Variants in SLC2A13 observed in about 807,000 individuals in gnomAD.
SLC2A13 encodes proton myo-inositol cotransporter.
A neutral mutation model predicts 64.4 loss-of-function variants in SLC2A13; 32 were observed. The observed-to-expected ratio is 0.50, with a 90% CI of 0.37 to 0.67. The LOEUF (loss-of-function observed/expected upper bound fraction) is 0.67, where lower values mean the gene tolerates loss of function less well. SLC2A13 is among the 30% of genes least tolerant of loss of function. The pLI, the probability that SLC2A13 is intolerant of heterozygous loss-of-function variation, is 0.00. For missense variants in SLC2A13, 743 were observed against 829.2 expected (o/e 0.90, Z 1.28); for synonymous variants, 338 against 327.1 (o/e 1.03, Z -0.36).
Position 40,028,199 on chromosome 12 carries a change from AC to A in SLC2A13, c.925+101del, listed in dbSNP as rs1947850085. 7.4e-6 allele frequency: 4 copies of A among 542,014 alleles called. No individual in the cohort carries two copies. In the Admixed American group the frequency reaches 1.5e-4, roughly 21 times the overall value. The allele number at this position is 542,014 out of a possible 1,614,324, so 33.6% of individuals were successfully genotyped here. A position where few individuals can be genotyped will look rare whatever the true frequency, so the allele number is the denominator to read the frequency against. On this transcript the variant is annotated intron_variant, in intron 3 of 9. Coordinates refer to ENST00000280871, the MANE Select transcript of SLC2A13 (RefSeq NM_052885.4). ...TAAATATCCATATTTATACATAAAT[AC>A]CCATATATTAAAAATATATTATACA...
At chr12:40,093,755 C>T (rs1279244210) in intron 1 of SLC2A13, among the ~76,000 whole-genome samples, 1 of 151,818 alleles carries the variant, frequency 6.6e-6, no homozygotes, top group East Asian at 1.9e-4. Context: ...TTCCTAGAGG[C>T]GGGGTCAGCT....
intron 7 of SLC2A13, among the ~76,000 whole-genome samples, chr12:39,817,451 C>T (rs867682767): frequency 1.3e-5 from 2 of 152,180 alleles, no homozygotes; most frequent in South Asian, 2.1e-4. Flanking sequence ...CTCTTAGTAA[C>T]TTACATTGTA....
intron 7 of SLC2A13, among the ~76,000 whole-genome samples, chr12:39,788,031 C>T (rs995076997): frequency 6.6e-6 from 1 of 152,078 alleles, no homozygotes; most frequent in Non-Finnish European, 1.5e-5. Flanking sequence ...AGGACAATTA[C>T]ATAATAATAC....
intron 7 of SLC2A13, among the ~76,000 whole-genome samples, chr12:39,781,410 A>AGG (rs1261303156): frequency 6.6e-6 from 1 of 152,108 alleles, no homozygotes; most frequent in Non-Finnish European, 1.5e-5. Flanking sequence ...AGCCTTCCAC[A>AGG]GCACCTCCTC....
chr12:39,760,361 C>T, intron 9 of SLC2A13, 109 bp from the exon 10 acceptor site: 1 of 1,002,098 alleles, frequency 1.0e-6, no homozygotes, highest in Non-Finnish European at 1.4e-6. Context: ...TGCATAATCA[C>T]AGTATGAAAT....
chr12:39,806,283 G>A (rs1941977203), intron 7 of SLC2A13, among the ~76,000 whole-genome samples: 1 of 152,160 alleles, frequency 6.6e-6, no homozygotes, highest in Admixed American at 6.5e-5. Flanking sequence ...AGGGAATGAA[G>A]GATATGTCAG....
chr12:39,855,642 T>G (rs370979980), intron 6 of SLC2A13, among the ~76,000 whole-genome samples: 2 of 152,256 alleles, frequency 1.3e-5, no homozygotes, highest in East Asian at 1.9e-4. Context: ...TCAAAAATGT[T>G]TATTAAAATA....
chr12:40,015,308 C>T (rs1947604701), intron 3 of SLC2A13, among the ~76,000 whole-genome samples: 1 of 152,012 alleles, frequency 6.6e-6, no homozygotes, highest in South Asian at 2.1e-4. Flanking sequence ...GTTGAAAAAG[C>T]ACCTTTCTAA....
intron 4 of SLC2A13, among the ~76,000 whole-genome samples, chr12:39,902,806 A>G (rs1945167783): frequency 6.6e-6 from 1 of 152,314 alleles, no homozygotes; most frequent in East Asian, 1.9e-4. Flanking sequence ...GTTATCTACT[A>G]TGAATGAGGT....
chr12:39,777,678 A>G (rs923170605), intron 7 of SLC2A13, among the ~76,000 whole-genome samples: 2 of 152,144 alleles, frequency 1.3e-5, no homozygotes, highest in African/African-American at 2.4e-5. Flanking sequence ...AAGCACATCA[A>G]TGGAGGCACA....
chr12:40,084,226 G>A (rs1263654597), intron 1 of SLC2A13, among the ~76,000 whole-genome samples: 1 of 152,176 alleles, frequency 6.6e-6, no homozygotes, highest in Non-Finnish European at 1.5e-5. Context: ...CTCATGCTGT[G>A]CTTTCTTCTT....
At chr12:40,023,262 A>G (rs1947752736) in intron 3 of SLC2A13, among the ~76,000 whole-genome samples, 1 of 152,202 alleles carries the variant, frequency 6.6e-6, no homozygotes, top group East Asian at 1.9e-4. Context: ...TAAGCATCCA[A>G]TGATCCTGCC....
At chr12:39,760,953 A>ACACACACACACACACACACACACACACAC (rs1940113054) in intron 9 of SLC2A13, among the ~76,000 whole-genome samples, 6 of 101,516 alleles carry the variant, frequency 5.9e-5, no homozygotes, top group Middle Eastern at 4.7e-3. Flanking sequence ...GTCTCTACCA[A>ACACACACACACACACACACACACACACAC]ACACACACAC....
At chr12:39,986,899 T>C (rs146166814) in intron 3 of SLC2A13, among the ~76,000 whole-genome samples, 17 of 152,288 alleles carry the variant, frequency 1.1e-4, no homozygotes, top group Non-Finnish European at 1.8e-4. Context: ...AGATTATGAC[T>C]GTGTACTGAG....
chr12:40,006,858 C>T (rs1018226877), intron 3 of SLC2A13, among the ~76,000 whole-genome samples: 2 of 152,178 alleles, frequency 1.3e-5, no homozygotes, highest in Non-Finnish European at 2.9e-5. Context: ...ATACTCTCTG[C>T]TGCCAAGATC....
In SLC2A13 at chr12:40,105,416, A is replaced by G. The variant is rs1251948580; in HGVS notation, c.393T>C (p.Ala131=). 1 of 1,549,794 alleles carries G rather than the reference A, an allele frequency of 6.5e-7. No homozygotes were observed. Among genetic ancestry groups the G allele is most frequent in the East Asian group, 2.4e-5 (1 of 40,922 alleles). The change falls in exon 1 of 10, where the codon GCT becomes GCC. Residue 131 remains alanine, a synonymous_variant. Coordinates refer to ENST00000280871, the MANE Select transcript of SLC2A13 (RefSeq NM_052885.4). The surrounding 1 kb of genome is among the most constrained non-coding windows in gnomAD (Gnocchi z 4.2). ...CGCCTCCGGCCAGCGCCGAGACGGC[A>G]GCCGCCCCCACCGTGCTGGACACCA... is the stretch of plus-strand genomic sequence containing the variant. The part of the protein sequence containing the change: ...ELLVSSTVGA[A]AVSALAGGAL...
chr12:39,899,094 G>T (rs956317664), intron 4 of SLC2A13, among the ~76,000 whole-genome samples: 1 of 152,180 alleles, frequency 6.6e-6, no homozygotes, highest in Middle Eastern at 3.4e-3. Context: ...GAATTCGGCT[G>T]TGAATCCATC....
At chr12:39,808,851 C>T (rs560209765) in intron 7 of SLC2A13, among the ~76,000 whole-genome samples, 6 of 152,086 alleles carry the variant, frequency 3.9e-5, no homozygotes, top group African/African-American at 1.4e-4. Context: ...ATAATACTTC[C>T]GGTCTGTGGC....
At chr12:39,868,027 A>T (rs1367064492) in intron 5 of SLC2A13, among the ~76,000 whole-genome samples, 2 of 152,250 alleles carry the variant, frequency 1.3e-5, no homozygotes, top group African/African-American at 2.4e-5. Flanking sequence ...GCATAAAACA[A>T]CTTGAATTAC....
Sources: allele counts gnomAD v4.1 joint callset (sites outside exome capture counted in the v4.1 genomes callset), GRCh38; gene constraint gnomAD v4.1.1; non-coding constraint Gnocchi (gnomAD v3.1); transcripts MANE v1.5; gene names NCBI Gene and HGNC (gene_info 2026-07-23, HGNC 2026-07-21).